ARHGAP6: variants seen among roughly 807,000 people sequenced by gnomAD.
The protein encoded by ARHGAP6 is Rho GTPase activating protein 6.
A neutral mutation model predicts 55.7 loss-of-function variants in ARHGAP6; 16 were observed. The ratio of observed to expected loss-of-function variants is 0.29; its 90% CI spans 0.19 to 0.44. The LOEUF (loss-of-function observed/expected upper bound fraction) is 0.44, where lower values mean the gene tolerates loss of function less well. ARHGAP6 is among the 20% of genes least tolerant of loss of function. The pLI is 1.00. For synonymous variants in ARHGAP6, 382 were observed against 360.9 expected, an observed-to-expected ratio of 1.06 and a Z score of -0.66; for missense variants, 698 against 808.9, an observed-to-expected ratio of 0.86 and a Z score of 1.66.
intron 1 of ARHGAP6, among the ~76,000 whole-genome samples, chrX:11,509,788 C>A (rs1223897578): frequency 8.9e-6 from 1 of 111,790 alleles, no homozygotes; most frequent in Non-Finnish European, 1.9e-5. Flanking sequence ...GTTGCATCAA[C>A]AAATGGTGAG....
intron 2 of ARHGAP6, among the ~76,000 whole-genome samples, chrX:11,251,006 C>T (rs1013756474): frequency 4.5e-5 from 5 of 111,825 alleles, no homozygotes; most frequent in East Asian, 5.6e-4. Context: ...ATTAAAAGTC[C>T]GATATGGTGT....
At chrX:11,250,819 C>G (rs1236442054) in intron 2 of ARHGAP6, among the ~76,000 whole-genome samples, 1 of 111,212 alleles carries the variant, frequency 9.0e-6, no homozygotes, top group South Asian at 3.9e-4. Flanking sequence ...TTCCTTTTGG[C>G]CTGTGAGGTA....
At chrX:11,262,522 T>A (rs745985976) in intron 1 of ARHGAP6, among the ~76,000 whole-genome samples, 5 of 111,861 alleles carry the variant, frequency 4.5e-5, no homozygotes, top group African/African-American at 1.3e-4. Flanking sequence ...AACTGCAGCA[T>A]CTCTTTAATC....
chrX:11,454,707 A>G (rs776911702), intron 1 of ARHGAP6, among the ~76,000 whole-genome samples: 6 of 112,066 alleles, frequency 5.4e-5, no homozygotes, highest in African/African-American at 1.6e-4. Context: ...GAAAATCCGT[A>G]ATTCCCACTT....
At chrX:11,519,787 T>G (rs1187362579) in intron 1 of ARHGAP6, among the ~76,000 whole-genome samples, 1 of 107,620 alleles carries the variant, frequency 9.3e-6, no homozygotes, top group South Asian at 4.2e-4. Context: ...TAGCCATATG[T>G]AGAAAGCTGA....
intron 4 of ARHGAP6, among the ~76,000 whole-genome samples, chrX:11,187,776 C>T (rs192342796): frequency 2.7e-4 from 30 of 112,046 alleles, no homozygotes; most frequent in African/African-American, 7.1e-4. Context: ...TCAGGCGTGG[C>T]GGCTCACGCC....
intron 2 of ARHGAP6, among the ~76,000 whole-genome samples, chrX:11,241,470 G>T (rs1284985227): frequency 9.2e-6 from 1 of 109,138 alleles, no homozygotes; most frequent in Non-Finnish European, 1.9e-5. Flanking sequence ...AATCTATATG[G>T]AAAATAATGG....
chrX:11,614,731 T>G (rs1254528617), intron 1 of ARHGAP6, among the ~76,000 whole-genome samples: 1 of 111,956 alleles, frequency 8.9e-6, no homozygotes, highest in Non-Finnish European at 1.9e-5. Flanking sequence ...ACGTAGCACA[T>G]GTATTCTCAA....
At chrX:11,637,984 T>C (rs1247620581) in intron 1 of ARHGAP6, among the ~76,000 whole-genome samples, 1 of 111,313 alleles carries the variant, frequency 9.0e-6, no homozygotes, top group Non-Finnish European at 1.9e-5. Context: ...AGAATGATGA[T>C]TTTTCAATGA....
intron 1 of ARHGAP6, among the ~76,000 whole-genome samples, chrX:11,346,000 A>G (rs537911142): frequency 2.7e-5 from 3 of 109,358 alleles, no homozygotes; most frequent in African/African-American, 1.0e-4. Flanking sequence ...GGGTTTCTCT[A>G]TGCTGCCCAG....
intron 1 of ARHGAP6, among the ~76,000 whole-genome samples, chrX:11,269,735 C>T (rs1211549909): frequency 1.8e-5 from 2 of 111,974 alleles, no homozygotes; most frequent in Non-Finnish European, 3.8e-5. Context: ...CTTTGTATTG[C>T]TCAGAACTTC....
intron 1 of ARHGAP6, among the ~76,000 whole-genome samples, chrX:11,610,322 C>T (rs1217206468): frequency 9.0e-6 from 1 of 110,995 alleles, no homozygotes; most frequent in Non-Finnish European, 1.9e-5. Context: ...CCTGCTCTGC[C>T]TAATGAGTGA....
intron 6 of ARHGAP6, among the ~76,000 whole-genome samples, 157 bp from the exon 7 acceptor site, chrX:11,179,609 T>C (rs902863864): frequency 9.2e-6 from 1 of 108,689 alleles, no homozygotes; most frequent in Non-Finnish European, 1.9e-5. Context: ...ATCTGCCGAG[T>C]TGACACAGTC....
intron 1 of ARHGAP6, among the ~76,000 whole-genome samples, chrX:11,644,091 T>A (rs764698687): frequency 9.0e-6 from 1 of 111,587 alleles, no homozygotes; most frequent in South Asian, 3.8e-4. Context: ...AGTAGGTAAT[T>A]CAATGTTGTA....
chrX:11,426,968 A>G (rs1234353482), intron 1 of ARHGAP6, among the ~76,000 whole-genome samples: 7 of 110,088 alleles, frequency 6.4e-5, no homozygotes, highest in African/African-American at 2.3e-4. Context: ...GGAAGGTACG[A>G]CAGAAGAGCC....
At chrX:11,397,508 T>A in intron 1 of ARHGAP6, among the ~76,000 whole-genome samples, 1 of 111,868 alleles carries the variant, frequency 8.9e-6, no homozygotes, top group South Asian at 3.7e-4. Context: ...ATCCATTATA[T>A]ATACCATCAA....
chrX:11,273,372 G>T (rs2047714942), intron 1 of ARHGAP6, among the ~76,000 whole-genome samples: 1 of 108,517 alleles, frequency 9.2e-6, no homozygotes, highest in Admixed American at 9.8e-5. Context: ...GGATGGACAA[G>T]GAAGGGTATG....
intron 1 of ARHGAP6, among the ~76,000 whole-genome samples, chrX:11,376,369 A>T (rs1314008563): frequency 2.7e-5 from 3 of 112,955 alleles, no homozygotes; most frequent in African/African-American, 9.6e-5. Context: ...AGACTCTTCC[A>T]GTTGGAGTCT....
chrX:11,354,319 C>CTATATATA (rs1569311562), intron 1 of ARHGAP6, among the ~76,000 whole-genome samples: 3 of 68,025 alleles, frequency 4.4e-5, no homozygotes, highest in Non-Finnish European at 8.1e-5. Context: ...CTCTCTCTCT[C>CTATATATA]TCTCTCTCTA....
Sources: gnomAD v4.1 joint callset for allele counts (sites outside exome capture counted in the v4.1 genomes callset) on GRCh38, gnomAD v4.1.1 for gene constraint, MANE v1.5 for transcripts, NCBI Gene and HGNC (gene_info 2026-07-23, HGNC 2026-07-21) for gene names.